Variants in MDN1 observed in about 807,000 individuals in gnomAD.
MDN1 encodes the protein midasin AAA ATPase 1.
MDN1 carries 266 observed loss-of-function variants against 669.2 expected under a neutral mutation model. The ratio of observed to expected loss-of-function variants is 0.40; its 90% CI spans 0.36 to 0.44. The LOEUF (loss-of-function observed/expected upper bound fraction) is 0.44, where lower values mean the gene tolerates loss of function less well. Ranked by LOEUF, MDN1 falls within the 20% of genes least tolerant of loss-of-function variation. The probability of loss-of-function intolerance (pLI) is 1.00; values close to 1 mark genes in which losing one functional copy is unlikely to be tolerated. For missense variants in MDN1, 5,940 were observed against 6,754.0 expected (o/e 0.88, Z 4.22); for synonymous variants, 2,385 against 2,457.1 (o/e 0.97, Z 0.87).
intron 82 of MDN1, 78 bp downstream of exon 82, chr6:89,672,122 T>C (rs1178638059): frequency 7.0e-7 from 1 of 1,424,686 alleles, no homozygotes; most frequent in Non-Finnish European, 9.3e-7. Context: ...CTTATCTACG[T>C]GGAGGGAAGT....
At chr6:89,696,082 A>G (rs1030836798) in intron 60 of MDN1, 90 bp from the exon 61 acceptor site, 3 of 1,466,798 alleles carry the variant, frequency 2.0e-6, no homozygotes, top group Non-Finnish European at 1.8e-6. Context: ...AGAAATGATA[A>G]CCACAGAATG....
At chr6:89,696,616 A>G in intron 59 of MDN1, 42 bp from the exon 60 acceptor site, 2 of 1,505,684 alleles carry the variant, frequency 1.3e-6, no homozygotes, top group Non-Finnish European at 1.8e-6. Context: ...AGAAATTAAG[A>G]CAATTTCCAG....
Position 89,790,202 on chromosome 6 carries a change from G to C in MDN1, c.1055C>G (p.Pro352Arg), listed in dbSNP as rs746505363. The C allele has an allele frequency of 5.0e-6, 8 of 1,614,100 alleles. No homozygotes were observed. In the Admixed American group the frequency reaches 1.3e-4, roughly 27 times the overall value. The change falls in exon 6 of 102, where the codon CCT becomes CGT. Residue 352 changes from proline to arginine, a missense_variant. Pro to Arg is a moderately radical substitution (Grantham distance 103, BLOSUM62 -2). This residue lies in a region of MDN1 where 1,203 missense variants were observed against 1,268.9 expected (regional missense o/e 0.95). Coordinates refer to ENST00000369393, the MANE Select transcript of MDN1 (RefSeq NM_014611.3). ...LAAVTGRTKP[P>R]QLLKVQLGDQ... The stretch of plus-strand genomic sequence containing the variant: ...TCCAAGCTGGACTTTGAGAAGCTGA[G>C]GAGGCTTTGTTCTACCTGTCACTGC...
intron 38 of MDN1, 69 bp from the exon 39 acceptor site, chr6:89,723,688 A>G (rs1814995818): frequency 3.9e-6 from 3 of 770,394 alleles, no homozygotes; most frequent in Non-Finnish European, 5.9e-6. Context: ...AATGACTACC[A>G]TGTCTTATTA....
intron 74 of MDN1, among the ~76,000 whole-genome samples, 168 bp from the exon 75 acceptor site, chr6:89,678,913 TTAAG>T: frequency 6.6e-6 from 1 of 152,304 alleles, no homozygotes; most frequent in African/African-American, 2.4e-5. Flanking sequence ...TAAAATCTCA[TTAAG>T]TGTTTTAACC....
chr6:89,800,780 G>T (rs1767600184), intron 2 of MDN1, among the ~76,000 whole-genome samples: 1 of 152,134 alleles, frequency 6.6e-6, no homozygotes, highest in Non-Finnish European at 1.5e-5. Context: ...GAGGGGGTGT[G>T]CAGGGGAGGA....
chr6:89,707,965 A>G (rs948330715), intron 51 of MDN1, among the ~76,000 whole-genome samples: 12 of 152,202 alleles, frequency 7.9e-5, no homozygotes, highest in African/African-American at 1.7e-4. Context: ...GGAAGAGACA[A>G]GTAAAAACAA....
intron 48 of MDN1, 110 bp downstream of exon 48, chr6:89,712,465 C>T (rs1428018702): frequency 5.2e-6 from 6 of 1,143,868 alleles, no homozygotes; most frequent in Non-Finnish European, 5.2e-6. Context: ...GACAGCTACA[C>T]AATAAATGGC....
At chr6:89,653,602 T>C (rs910935998) in intron 93 of MDN1, among the ~76,000 whole-genome samples, 3 of 152,184 alleles carry the variant, frequency 2.0e-5, no homozygotes, top group Non-Finnish European at 2.9e-5. Context: ...AGTCAACCGT[T>C]CTAACAGTTC....
chr6:89,713,096 C>G (rs1814068344), intron 47 of MDN1, 52 bp downstream of exon 47: 2 of 1,566,382 alleles, frequency 1.3e-6, no homozygotes, highest in Non-Finnish European at 1.7e-6. Context: ...TCCTCGTACT[C>G]AAGAATGTAG....
chr6:89,671,838 G>A (rs963782706), intron 82 of MDN1, among the ~76,000 whole-genome samples: 2 of 152,208 alleles, frequency 1.3e-5, no homozygotes, highest in South Asian at 2.1e-4. Context: ...TACTCTGTTC[G>A]CTTATTGTAG....
At chr6:89,694,882 A>G (rs1812627325) in intron 61 of MDN1, among the ~76,000 whole-genome samples, 1 of 152,112 alleles carries the variant, frequency 6.6e-6, no homozygotes, top group East Asian at 1.9e-4. Context: ...TTAGATAGCA[A>G]GCACCAATAA....
chr6:89,645,435 G>A (rs1399791544), intron 100 of MDN1, among the ~76,000 whole-genome samples: 3 of 152,156 alleles, frequency 2.0e-5, no homozygotes, highest in Non-Finnish European at 4.4e-5. Flanking sequence ...GAAATGTTAA[G>A]TTCTGCTCAA....
At position 89,723,146 on chromosome 6, in the gene MDN1, A is replaced by G. The variant is rs762283453; in HGVS notation, c.5779-3T>C. 3.1e-6 allele frequency: 5 copies of G among 1,613,646 alleles called. No individual in the cohort carries two copies. The East Asian group carries it at 6.7e-5, about 22-fold the overall frequency. On this transcript the variant is annotated splice_region_variant and splice_polypyrimidine_tract_variant and intron_variant, in intron 39 of 101. Transcript: ENST00000369393. ...TCAACAGTCACTTCATGATCAATCTAGAAAGAAAACATCCTGATTGGGAAA... is the reference window on the plus strand; with the variant it reads ...TCAACAGTCACTTCATGATCAATCTGGAAAGAAAACATCCTGATTGGGAAA...
chr6:89,700,333 T>C, intron 56 of MDN1, 39 bp from the exon 57 acceptor site: 1 of 1,502,354 alleles, frequency 6.7e-7, no homozygotes, highest in Non-Finnish European at 9.3e-7. Context: ...AGCACAATGG[T>C]TAAGAGTATA....
intron 26 of MDN1, among the ~76,000 whole-genome samples, chr6:89,748,440 T>C (rs1816776034): frequency 6.6e-6 from 1 of 152,210 alleles, no homozygotes; most frequent in South Asian, 2.1e-4. Flanking sequence ...AAAAGAAGTT[T>C]GACAATGTAT....
chr6:89,653,171 G>T lies in MDN1; in HGVS notation c.15662-16C>A, dbSNP rs1235257290. 6.3e-7 allele frequency: 1 copy of T among 1,599,810 alleles called. No homozygotes were observed. Among genetic ancestry groups the T allele is most frequent in the Non-Finnish European group, 8.5e-7 (1 of 1,175,934 alleles). ...TCATCAAAGCCTATTTTCATTTAAG[G>T]ACATAATTTTACTTATAATATTAGC... On this transcript the variant is annotated splice_polypyrimidine_tract_variant and intron_variant, in intron 93 of 101. Transcript: ENST00000369393.
chr6:89,711,296 T>A (rs899299402), intron 49 of MDN1, among the ~76,000 whole-genome samples: 3 of 152,184 alleles, frequency 2.0e-5, no homozygotes, highest in African/African-American at 7.2e-5. Context: ...GGGTTCCACA[T>A]CTGTGGAATT....
At chr6:89,741,157 G>A (rs1449539189) in intron 31 of MDN1, among the ~76,000 whole-genome samples, 2 of 152,106 alleles carry the variant, frequency 1.3e-5, no homozygotes, top group African/African-American at 2.4e-5. Flanking sequence ...ACTTGAACCC[G>A]AGAGGCAGAA....
Sources: gnomAD v4.1 joint callset for allele counts (sites outside exome capture counted in the v4.1 genomes callset) on GRCh38, gnomAD v4.1.1 for gene constraint, gnomAD v4.1.1 regional missense constraint, MANE v1.5 for transcripts, NCBI Gene and HGNC (gene_info 2026-07-23, HGNC 2026-07-21) for gene names.